Variants in C13orf42 observed in about 807,000 individuals in gnomAD.
C13orf42 encodes chromosome 13 open reading frame 42.
chr13:51,122,836 T>C (rs1002227965), intron 1 of C13orf42, among the ~76,000 whole-genome samples: 6 of 152,226 alleles, frequency 3.9e-5, no homozygotes, highest in African/African-American at 1.4e-4. Context: ...CTGATTATCA[T>C]GTTAGAAACA....
chr13:51,164,898 G>C (rs1953892611), intron 1 of C13orf42, among the ~76,000 whole-genome samples: 1 of 152,172 alleles, frequency 6.6e-6, no homozygotes, highest in Admixed American at 6.5e-5. Flanking sequence ...CCAGATAAGA[G>C]TTTGGCTTTA....
At chr13:51,147,942 T>A (rs1953751302) in intron 1 of C13orf42, among the ~76,000 whole-genome samples, 1 of 148,784 alleles carries the variant, frequency 6.7e-6, no homozygotes, top group Admixed American at 6.6e-5. Flanking sequence ...AGCCCCGGAT[T>A]AGGGGATCTG....
intron 1 of C13orf42, among the ~76,000 whole-genome samples, chr13:51,143,905 T>C (rs765019976): frequency 6.6e-6 from 1 of 152,174 alleles, no homozygotes; most frequent in African/African-American, 2.4e-5. Flanking sequence ...ATATTATTGG[T>C]ATGTGTTCCA....
At chr13:51,113,385 T>G (rs376279714), upstream of C13orf42, among the ~76,000 whole-genome samples, 43 of 152,310 alleles carry the variant, frequency 2.8e-4, no homozygotes, top group East Asian at 7.5e-3. Context: ...CTCCTGGAGC[T>G]CCTACTGAGT....
At chr13:51,148,084 A>G (rs1953752464) in intron 1 of C13orf42, among the ~76,000 whole-genome samples, 1 of 152,200 alleles carries the variant, frequency 6.6e-6, no homozygotes, top group Non-Finnish European at 1.5e-5. Flanking sequence ...GCACTGGATG[A>G]CGCTTTGCAT....
At chr13:51,086,101 T>C (rs967474316) in intron 2 of C13orf42, among the ~76,000 whole-genome samples, 5 of 151,502 alleles carry the variant, frequency 3.3e-5, no homozygotes, top group Non-Finnish European at 7.4e-5. Context: ...GGTAAGGAGA[T>C]TGAGACCATC....
chr13:51,137,796 T>G (rs1297499818), intron 1 of C13orf42, among the ~76,000 whole-genome samples: 2 of 152,172 alleles, frequency 1.3e-5, no homozygotes, highest in Non-Finnish European at 2.9e-5. Context: ...CATCCCACAG[T>G]GGGTTCATGG....
At chr13:51,161,500 C>T (rs551201484) in intron 1 of C13orf42, among the ~76,000 whole-genome samples, 1 of 152,290 alleles carries the variant, frequency 6.6e-6, no homozygotes, top group South Asian at 2.1e-4. Flanking sequence ...CCCACCTCTT[C>T]TATCAGGCTC....
chr13:51,119,738 A>C lies in C13orf42; in HGVS notation n.137-6516T>G, dbSNP rs561852399. ...AGAGACAGAAAGAATGGTGGTTGCC[A>C]AGGGCAGAGGAGAGGAGAAAATGGG... On this transcript the variant is annotated intron_variant and non_coding_transcript_variant, in intron 1 of 4. Transcript: ENST00000433280. Among the ~76,000 whole-genome samples, 88 of 152,300 alleles carry C rather than the reference A, an allele frequency of 5.8e-4. 1 individual carries two copies. Among genetic ancestry groups the C allele is most frequent in the Middle Eastern group, 3.4e-3 (1 of 294 alleles).
chr13:51,153,641 T>TC, intron 1 of C13orf42, among the ~76,000 whole-genome samples: 1 of 134,558 alleles, frequency 7.4e-6, no homozygotes, highest in African/African-American at 2.8e-5. Context: ...TTTTTTTTTT[T>TC]TTTTTTTTTT....
chr13:51,130,492 G>T lies in C13orf42; in HGVS notation n.137-17270C>A, dbSNP rs142782914. Among the ~76,000 whole-genome samples, 863 of 152,248 alleles carry T rather than the reference G, an allele frequency of 5.7e-3. 6 individuals carry two copies. The highest frequency in any genetic ancestry group is 0.02 in the African/African-American group (814 of 41,540). On this transcript the variant is annotated intron_variant and non_coding_transcript_variant, in intron 1 of 4. Transcript: ENST00000433280. ...TAGGACAAGTCAGAAAGTCAAAGCA[G>T]GTTGTAGATGGTCTGTGTACATTGT...
upstream of C13orf42, among the ~76,000 whole-genome samples, chr13:51,114,531 TATC>T (rs200913017): frequency 0.012 from 1,831 of 152,328 alleles, 19 homozygotes; most frequent in Non-Finnish European, 0.02. Flanking sequence ...TTATTTCACT[TATC>T]ATAATGTCCT....
At chr13:51,110,508 T>C (rs1666250869) in intron 1 of C13orf42, among the ~76,000 whole-genome samples, 1 of 152,162 alleles carries the variant, frequency 6.6e-6, no homozygotes, top group African/African-American at 2.4e-5. Context: ...CAAAATAATC[T>C]GTACACCAAA....
At chr13:51,156,105 G>T (rs1321102652) in intron 1 of C13orf42, among the ~76,000 whole-genome samples, 1 of 152,140 alleles carries the variant, frequency 6.6e-6, no homozygotes, top group Non-Finnish European at 1.5e-5. Context: ...CCCCACCCCC[G>T]GCCTGTAACC....
chr13:51,087,711 C>T (rs750799010), intron 2 of C13orf42, among the ~76,000 whole-genome samples: 4 of 152,160 alleles, frequency 2.6e-5, no homozygotes, highest in African/African-American at 4.8e-5. Flanking sequence ...AGCCTAGAGC[C>T]GTGGCAGCAC....
At chr13:51,089,757 T>C (rs1002242086) in intron 1 of C13orf42, among the ~76,000 whole-genome samples, 1 of 151,532 alleles carries the variant, frequency 6.6e-6, no homozygotes, top group Non-Finnish European at 1.5e-5. Context: ...TGGCAGAAGC[T>C]TTTGGAAATC....
chr13:51,138,342 C>G (rs975528983), intron 1 of C13orf42, among the ~76,000 whole-genome samples: 1 of 152,188 alleles, frequency 6.6e-6, no homozygotes, highest in African/African-American at 2.4e-5. Context: ...TAAAATCTTT[C>G]ATTTCTTACA....
At position 51,092,271 on chromosome 13, in the gene C13orf42, C is replaced by A. The variant is rs914806452; in HGVS notation, c.415-4196G>T. Reference sequence around the variant, plus strand: ...GTCTGTTACCACCTGCGATAAGCTGCATTTTATTATCAAGTTACTGTAAAT... The same window carrying A: ...GTCTGTTACCACCTGCGATAAGCTGAATTTTATTATCAAGTTACTGTAAAT... On this transcript the variant is annotated intron_variant, in intron 1 of 3. Coordinates refer to ENST00000563710, the MANE Select transcript of C13orf42 (RefSeq NM_001351589.3). Among the ~76,000 whole-genome samples, 49 of 152,224 alleles carry A rather than the reference C, an allele frequency of 3.2e-4. 1 individual carries two copies. The highest frequency in any genetic ancestry group is 1.2e-3 in the African/African-American group (49 of 41,454).
chr13:51,159,580 T>C (rs1953849012), intron 1 of C13orf42, among the ~76,000 whole-genome samples: 2 of 152,218 alleles, frequency 1.3e-5, no homozygotes, highest in Admixed American at 1.3e-4. Context: ...GCCACTGTCA[T>C]TGTTATTCCA....
Sources: allele counts gnomAD v4.1 joint callset (sites outside exome capture counted in the v4.1 genomes callset), GRCh38; gene constraint gnomAD v4.1.1; transcripts MANE v1.5; gene names NCBI Gene and HGNC (gene_info 2026-07-23, HGNC 2026-07-21).